The following CCDC134 variants were observed in gnomAD, a reference collection of about 807,000 sequenced individuals.
CCDC134 encodes the protein coiled-coil domain containing 134, also known as coiled-coil domain-containing protein 134.
In CCDC134, 27 loss-of-function variants were observed where a neutral mutation model predicts 25.6. The ratio of observed to expected loss-of-function variants is 1.05; its 90% confidence interval spans 0.78 to 1.45. CCDC134 has a LOEUF of 1.45. Ranked by LOEUF, CCDC134 falls within the 40% of genes most tolerant of loss-of-function variation. CCDC134 has a pLI of 0.00. For missense variants in CCDC134, 261 were observed against 286.7 expected, an observed-to-expected ratio of 0.91 and a Z score of 0.65; for synonymous variants, 110 against 115.0, an observed-to-expected ratio of 0.96 and a Z score of 0.28.
chr22:41,825,456 C>G lies in CCDC134; in HGVS notation c.565-242C>G, dbSNP rs1175127154. 1.3e-5 allele frequency among the ~76,000 whole-genome samples: 2 copies of G among 152,138 alleles called. No homozygotes were observed. The highest frequency in any genetic ancestry group is 2.4e-5 in the African/African-American group (1 of 41,422). ...TCAGATGCCCCATGTAGGTTCCCAC[C>G]TCAGCATCCGTCCCTCCACCTAGAA... On this transcript the variant is annotated intron_variant, in intron 6 of 6. Transcript: ENST00000255784. The surrounding 1 kb of genome is among the most constrained non-coding windows in gnomAD (Gnocchi z 4.4).
intron 2 of CCDC134, among the ~76,000 whole-genome samples, 171 bp from the exon 3 acceptor site, chr22:41,809,708 C>T (rs1028315505): frequency 3.3e-5 from 5 of 152,152 alleles, no homozygotes; most frequent in African/African-American, 7.2e-5. Context: ...ATGAATAGTG[C>T]GTTGCAGGTC....
chr22:41,804,186 G>A (rs542209669), intron 1 of CCDC134, among the ~76,000 whole-genome samples: 12 of 152,300 alleles, frequency 7.9e-5, no homozygotes, highest in African/African-American at 2.9e-4. Flanking sequence ...TTGTTCCAGT[G>A]TCTTCGGAAA....
At position 41,830,932 on chromosome 22, in the gene CCDC134, C is replaced by A. The variant is rs1199785651; in HGVS notation, c.*5109C>A. Among the ~76,000 whole-genome samples the A allele has an allele frequency of 7.2e-6, 1 of 138,296 alleles. No individual in the cohort carries two copies. The highest frequency in any genetic ancestry group is 1.5e-5 in the Non-Finnish European group (1 of 66,720). The allele number at this position is 138,296 out of a possible 152,430, so 90.7% of individuals were successfully genotyped here. On this transcript the variant is annotated 3_prime_UTR_variant, in exon 7 of 7. Transcript: ENST00000255784. ...GAGACGCAGTCTCCTGTTGCCCAGG[C>A]TGGAGTGCAATGGCGCGATCTCTGC...
At chr22:41,813,002 G>A (rs2076604461) in intron 4 of CCDC134, among the ~76,000 whole-genome samples, 1 of 152,192 alleles carries the variant, frequency 6.6e-6, no homozygotes, top group South Asian at 2.1e-4. Context: ...CTCACTAGCT[G>A]CTGAGCCTCA....
Position 41,826,336 on chromosome 22 carries a change from C to G in CCDC134, c.*513C>G, listed in dbSNP as rs2076678594. On this transcript the variant is annotated 3_prime_UTR_variant, in exon 7 of 7. Coordinates refer to ENST00000255784, the MANE Select transcript of CCDC134 (RefSeq NM_024821.5). ...GGGACACTGTGAGGGGACCAGGGCC[C>G]CTCAGGGATGTAGAAACAGCTTGGA... 6.5e-6 allele frequency: 1 copy of G among 152,852 alleles called. No individual in the cohort carries two copies. The highest frequency in any genetic ancestry group is 1.5e-5 in the Non-Finnish European group (1 of 68,560). 9.5% of individuals were successfully genotyped at this position (152,852 alleles called of 1,614,324 possible). A position where few individuals can be genotyped will look rare whatever the true frequency, so the allele number is the denominator to read the frequency against.
rs904573158 is a variant in CCDC134, at chr22:41,829,687, C to T, written c.*3864C>T. ...GAAAAACCATATACAAAATTATCTTCTGTGACCCGTAGCACATGCCCAATC... is the reference window on the plus strand; with the variant it reads ...GAAAAACCATATACAAAATTATCTTTTGTGACCCGTAGCACATGCCCAATC... On this transcript the variant is annotated 3_prime_UTR_variant, in exon 7 of 7. Transcript: ENST00000255784. Among the ~76,000 whole-genome samples the T allele has an allele frequency of 6.6e-6, 1 of 152,242 alleles. No homozygotes were observed. Among genetic ancestry groups the T allele is most frequent in the Non-Finnish European group, 1.5e-5 (1 of 68,046 alleles).
At chr22:41,816,595 T>G (rs2076623863) in intron 6 of CCDC134, among the ~76,000 whole-genome samples, 1 of 152,200 alleles carries the variant, frequency 6.6e-6, no homozygotes, top group South Asian at 2.1e-4. Flanking sequence ...AAGAGAACAT[T>G]AATTGTTCCC....
intron 6 of CCDC134, among the ~76,000 whole-genome samples, chr22:41,819,963 T>TATATATATATATATATA (rs57794600): frequency 3.6e-5 from 3 of 82,616 alleles, no homozygotes; most frequent in African/African-American, 1.8e-4. Context: ...ACTTACCACT[T>TATATATATATATATATA]TATATATATA....
chr22:41,802,093 T>A (rs1032528804), intron 1 of CCDC134, among the ~76,000 whole-genome samples: 2 of 152,208 alleles, frequency 1.3e-5, no homozygotes, highest in Non-Finnish European at 2.9e-5. Context: ...TTTTTTGTGA[T>A]CTTGTTATCA....
intron 1 of CCDC134, 143 bp downstream of exon 1, chr22:41,800,909 T>TC (rs2076538331): frequency 6.6e-6 from 1 of 152,166 alleles, no homozygotes; most frequent in Admixed American, 6.5e-5. Context: ...CGCTCCCTCC[T>TC]CCGGGAGCTC....
At chr22:41,804,787 A>C (rs1442026335) in intron 1 of CCDC134, among the ~76,000 whole-genome samples, 4 of 152,222 alleles carry the variant, frequency 2.6e-5, no homozygotes, top group Non-Finnish European at 5.9e-5. Context: ...AAGAGAGAAC[A>C]GGCTGGGCAC....
At chr22:41,814,360 GT>G (rs1343875227) in intron 6 of CCDC134, among the ~76,000 whole-genome samples, 1 of 152,178 alleles carries the variant, frequency 6.6e-6, no homozygotes, top group African/African-American at 2.4e-5. Flanking sequence ...GAGGTCAGGA[GT>G]TCGAGACTAG....
At chr22:41,822,189 T>C (rs575083941) in intron 6 of CCDC134, among the ~76,000 whole-genome samples, 1 of 152,134 alleles carries the variant, frequency 6.6e-6, no homozygotes, top group Admixed American at 6.5e-5. Context: ...AGACGTAGCA[T>C]GGGGTCCGGG....
rs1048678297 is a variant in CCDC134, at chr22:41,828,747, G to A, written c.*2924G>A. 6.6e-6 allele frequency among the ~76,000 whole-genome samples: 1 copy of A among 152,160 alleles called. No individual in the cohort carries two copies. The highest frequency in any genetic ancestry group is 1.5e-5 in the Non-Finnish European group (1 of 68,030). ...GCTGGGATTGTTAGGTCACTATAGCGCTACCAACTGCATATACCACTGTGG... is the reference window on the plus strand; with the variant it reads ...GCTGGGATTGTTAGGTCACTATAGCACTACCAACTGCATATACCACTGTGG... On this transcript the variant is annotated 3_prime_UTR_variant, in exon 7 of 7. Transcript: ENST00000255784.
Position 41,813,407 on chromosome 22 carries a change from G to A in CCDC134, c.454G>A (p.Val152Ile), listed in dbSNP as rs374001821. The A allele has an allele frequency of 5.9e-5, 95 of 1,614,204 alleles. No homozygotes were observed. The highest frequency in any genetic ancestry group is 1.8e-4 in the South Asian group (16 of 91,084). ...WGISFCNQTG[V>I]FNQGPHSPIL... is the part of the protein sequence containing the mutation. ...TATCAGTTTCTGCAACCAGACAGGC[G>A]TCTTCAACCAGGGGCCCCACTCGCC... The change falls in exon 5 of 7, where the codon GTC becomes ATC. Residue 152 changes from valine (V) to isoleucine (I), a missense_variant. Coordinates refer to ENST00000255784, the MANE Select transcript of CCDC134 (RefSeq NM_024821.5).
intron 6 of CCDC134, among the ~76,000 whole-genome samples, chr22:41,817,372 G>A (rs979444784): frequency 1.3e-4 from 20 of 152,136 alleles, no homozygotes; most frequent in Admixed American, 6.5e-5. Context: ...GCATCTAAAC[G>A]AGTGAGCCAG....
intron 1 of CCDC134, among the ~76,000 whole-genome samples, chr22:41,801,488 CAGCCTGGGAAT>C (rs1421445638): frequency 6.6e-6 from 1 of 152,114 alleles, no homozygotes; most frequent in Admixed American, 6.6e-5. Context: ...ACACTTGGTT[CAGCCTGGGAAT>C]AGCTGTGTGA....
chr22:41,822,141 G>A (rs1194282944), intron 6 of CCDC134, among the ~76,000 whole-genome samples: 1 of 152,158 alleles, frequency 6.6e-6, no homozygotes, highest in Non-Finnish European at 1.5e-5. Flanking sequence ...GGGACAGGCA[G>A]AGCAGGGTAG....
chr22:41,820,285 C>T (rs922027841), intron 6 of CCDC134, among the ~76,000 whole-genome samples: 3 of 151,556 alleles, frequency 2.0e-5, no homozygotes, highest in South Asian at 2.1e-4. Context: ...TGTGAGCCAC[C>T]GCTCCCAGCC....
Sources: allele counts gnomAD v4.1 joint callset (sites outside exome capture counted in the v4.1 genomes callset), GRCh38; gene constraint gnomAD v4.1.1; non-coding constraint Gnocchi (gnomAD v3.1); transcripts MANE v1.5; gene names NCBI Gene and HGNC (gene_info 2026-07-23, HGNC 2026-07-21).